Variants in ST6GALNAC3 observed in about 807,000 individuals in gnomAD.
ST6GALNAC3 encodes alpha-N-acetylgalactosaminide alpha-2,6-sialyltransferase 3.
Under a neutral mutation model 32.7 loss-of-function variants are expected in ST6GALNAC3, and 25 were observed. The ratio of observed to expected loss-of-function variants is 0.76; its 90% CI spans 0.56 to 1.07. ST6GALNAC3 has a LOEUF of 1.07. ST6GALNAC3 is among the 50% of genes least tolerant of loss of function. ST6GALNAC3 has a pLI of 0.00. For missense variants in ST6GALNAC3, 355 were observed against 382.4 expected, an observed-to-expected ratio of 0.93 and a Z score of 0.60; for synonymous variants, 129 against 133.1, an observed-to-expected ratio of 0.97 and a Z score of 0.21.
At chr1:76,582,340 G>C (rs1646903790) in intron 3 of ST6GALNAC3, among the ~76,000 whole-genome samples, 1 of 152,118 alleles carries the variant, frequency 6.6e-6, no homozygotes, top group Admixed American at 6.6e-5. Context: ...CAACTTGGTG[G>C]CTGGGTTCTG....
At chr1:76,504,988 T>C (rs116703338) in intron 3 of ST6GALNAC3, among the ~76,000 whole-genome samples, 1 of 152,154 alleles carries the variant, frequency 6.6e-6, no homozygotes, top group Non-Finnish European at 1.5e-5. Context: ...GCATACACAA[T>C]GAGGAAATAG....
At chr1:76,138,730 G>C (rs1016476200) in intron 1 of ST6GALNAC3, among the ~76,000 whole-genome samples, 1 of 152,152 alleles carries the variant, frequency 6.6e-6, no homozygotes, top group African/African-American at 2.4e-5. Flanking sequence ...AACTTCAGTA[G>C]AGTGCCTTTT....
chr1:76,414,775 G>A (rs964447672), intron 3 of ST6GALNAC3, among the ~76,000 whole-genome samples: 3 of 151,744 alleles, frequency 2.0e-5, no homozygotes, highest in Non-Finnish European at 4.4e-5. Flanking sequence ...TAAATATTTT[G>A]GTGTATACCT....
intron 2 of ST6GALNAC3, among the ~76,000 whole-genome samples, chr1:76,368,806 C>T (rs181088595): frequency 1.8e-4 from 27 of 152,252 alleles, no homozygotes; most frequent in Non-Finnish European, 1.8e-4. Flanking sequence ...AACTATATCT[C>T]GGCTCCAGTG....
chr1:76,441,569 G>A (rs571063865), intron 3 of ST6GALNAC3, among the ~76,000 whole-genome samples: 23 of 152,092 alleles, frequency 1.5e-4, no homozygotes, highest in Non-Finnish European at 2.9e-4. Flanking sequence ...CGTAATTACA[G>A]CATGATGAAT....
intron 3 of ST6GALNAC3, among the ~76,000 whole-genome samples, chr1:76,442,197 C>T (rs183445764): frequency 1.3e-4 from 20 of 152,190 alleles, no homozygotes; most frequent in Admixed American, 9.8e-4. Flanking sequence ...AATGATTAGT[C>T]AACTCTAAAT....
intron 3 of ST6GALNAC3, among the ~76,000 whole-genome samples, chr1:76,498,663 A>T (rs1447439353): frequency 1.3e-5 from 2 of 151,940 alleles, no homozygotes; most frequent in East Asian, 3.9e-4. Flanking sequence ...TTTATCATTT[A>T]TGTAGACTTT....
chr1:76,405,801 C>G (rs1355814658), intron 2 of ST6GALNAC3, among the ~76,000 whole-genome samples: 1 of 151,738 alleles, frequency 6.6e-6, no homozygotes, highest in Non-Finnish European at 1.5e-5. Context: ...TCTCTCTTAC[C>G]CAGGAAAGAA....
rs1649196754 is a variant in ST6GALNAC3 at position 76,629,800 on chromosome 1, G to A, written c.*994G>A. On this transcript the variant is annotated 3_prime_UTR_variant, in exon 5 of 5. Coordinates refer to ENST00000328299, the MANE Select transcript of ST6GALNAC3 (RefSeq NM_152996.4). ...CTATCATACTTCATAATATATATTTGTATATTCAAATTTCTATTTTATAGG... is the reference window on the plus strand; with the variant it reads ...CTATCATACTTCATAATATATATTTATATATTCAAATTTCTATTTTATAGG... 3 of 971,812 alleles carry A rather than the reference G, an allele frequency of 3.1e-6. No homozygotes were observed. Among genetic ancestry groups the A allele is most frequent in the South Asian group, 4.8e-5 (1 of 21,020 alleles). The allele number at this position is 971,812 out of a possible 1,614,324, so 60.2% of individuals were successfully genotyped here.
chr1:76,254,436 T>A (rs1452615317), intron 1 of ST6GALNAC3, among the ~76,000 whole-genome samples: 2 of 152,132 alleles, frequency 1.3e-5, no homozygotes, highest in African/African-American at 4.8e-5. Flanking sequence ...TAGGAGAAAA[T>A]GACAATTACT....
At chr1:76,324,467 C>T (rs1366055926) in intron 2 of ST6GALNAC3, among the ~76,000 whole-genome samples, 2 of 152,006 alleles carry the variant, frequency 1.3e-5, no homozygotes, top group African/African-American at 4.8e-5. Context: ...GTGATGAAAC[C>T]GACACTTTAC....
At chr1:76,605,257 T>C (rs187646805) in intron 3 of ST6GALNAC3, among the ~76,000 whole-genome samples, 96 of 152,260 alleles carry the variant, frequency 6.3e-4, no homozygotes, top group African/African-American at 2.3e-3. Flanking sequence ...AGTAGGAGTT[T>C]GCTTGTTGGA....
At chr1:76,118,036 T>C (rs1169228873) in intron 1 of ST6GALNAC3, among the ~76,000 whole-genome samples, 1 of 152,190 alleles carries the variant, frequency 6.6e-6, no homozygotes, top group Non-Finnish European at 1.5e-5. Flanking sequence ...GTTTATTACA[T>C]AGGTATACAT....
chr1:76,507,463 C>T (rs1661551470), intron 3 of ST6GALNAC3, among the ~76,000 whole-genome samples: 1 of 152,148 alleles, frequency 6.6e-6, no homozygotes, highest in African/African-American at 2.4e-5. Context: ...TTGCTGGGCC[C>T]TTGAAACCAC....
chr1:76,628,439 A>G (rs759289961), intron 4 of ST6GALNAC3, among the ~76,000 whole-genome samples, 181 bp from the exon 5 acceptor site: 1 of 151,912 alleles, frequency 6.6e-6, no homozygotes, highest in African/African-American at 2.4e-5. Context: ...ACCACTAAAA[A>G]CTTGGTACAT....
chr1:76,515,600 G>A (rs937971430), intron 3 of ST6GALNAC3, among the ~76,000 whole-genome samples: 1 of 151,952 alleles, frequency 6.6e-6, no homozygotes, highest in Non-Finnish European at 1.5e-5. Context: ...CATAAGTTTT[G>A]GTATGATGTG....
intron 2 of ST6GALNAC3, among the ~76,000 whole-genome samples, chr1:76,374,227 A>C (rs1382194012): frequency 8.5e-5 from 13 of 152,226 alleles, no homozygotes; most frequent in Non-Finnish European, 1.6e-4. Context: ...CAGCTGTTGA[A>C]AAAATAAATG....
intron 2 of ST6GALNAC3, among the ~76,000 whole-genome samples, chr1:76,339,399 G>C (rs1473011650): frequency 2.0e-5 from 3 of 152,116 alleles, no homozygotes; most frequent in Non-Finnish European, 2.9e-5. Context: ...CTAGGAAAAA[G>C]AAAAGACAAA....
intron 2 of ST6GALNAC3, among the ~76,000 whole-genome samples, chr1:76,389,004 TATA>T (rs1652314764): frequency 1.7e-5 from 2 of 118,998 alleles, no homozygotes; most frequent in Non-Finnish European, 3.4e-5. Context: ...TGTTAGTTGG[TATA>T]TTTCCTTTTT....
Sources: allele counts gnomAD v4.1 joint callset (sites outside exome capture counted in the v4.1 genomes callset), GRCh38; gene constraint gnomAD v4.1.1; transcripts MANE v1.5; gene names NCBI Gene and HGNC (gene_info 2026-07-23, HGNC 2026-07-21).